ABCA4: variants seen among roughly 807,000 people sequenced by gnomAD.
ABCA4 encodes retinal-specific phospholipid-transporting ATPase ABCA4.
In ABCA4, 196 loss-of-function variants were observed where a neutral mutation model predicts 263.7. That is an observed-to-expected ratio of 0.74 (90% CI 0.66 to 0.84). The LOEUF is 0.84. Among genes scored for constraint, ABCA4 ranks in the 40% least tolerant of loss-of-function variants. The pLI is 0.00. For missense variants in ABCA4, 2,792 were observed against 2,855.1 expected, an observed-to-expected ratio of 0.98 and a Z score of 0.50; for synonymous variants, 1,133 against 1,094.2, an observed-to-expected ratio of 1.04 and a Z score of -0.70.
chr1:94,103,254 C>T, intron 4 of ABCA4, 112 bp from the exon 5 acceptor site: 2 of 1,413,048 alleles, frequency 1.4e-6, no homozygotes, highest in Non-Finnish European at 2.0e-6. Context: ...GAGGAAGGTT[C>T]TGTTCTTGGG....
At chr1:94,045,505 A>G (rs1660648160) in intron 19 of ABCA4, among the ~76,000 whole-genome samples, 1 of 152,180 alleles carries the variant, frequency 6.6e-6, no homozygotes, top group Non-Finnish European at 1.5e-5. Flanking sequence ...TCAGCAGCCG[A>G]TGAAGTAATG....
At chr1:94,048,412 A>G (rs936496588) in intron 18 of ABCA4, among the ~76,000 whole-genome samples, 1 of 152,230 alleles carries the variant, frequency 6.6e-6, no homozygotes, top group African/African-American at 2.4e-5. Context: ...GATGGTTTCA[A>G]TGAATGGCCT....
chr1:94,062,708 C>A lies in ABCA4; in HGVS notation c.1806G>T (p.Arg602=). 1 of 1,614,132 alleles carries A rather than the reference C, an allele frequency of 6.2e-7. No homozygotes were observed. Among genetic ancestry groups the A allele is most frequent in the Non-Finnish European group, 8.5e-7 (1 of 1,180,030 alleles). The change falls in exon 13 of 50, where the codon CGG becomes CGT. Residue 602 remains arginine (R), a synonymous_variant. Coordinates refer to ENST00000370225, the MANE Select transcript of ABCA4 (RefSeq NM_000350.3). ...GATAGGCAAACCCGCCCCAGATGTA[C>A]CGGAAATCTTCCACGGGATCAGCTC... ...GPRADPVEDF[R]YIWGGFAYLQ... is the part of the protein sequence containing the mutation.
At chr1:94,120,885 C>CAG in intron 1 of ABCA4, 95 bp downstream of exon 1, 13 of 597,166 alleles carry the variant, frequency 2.2e-5, no homozygotes, top group East Asian at 1.3e-4. Flanking sequence ...ACCCCCCACC[C>CAG]TGCCCCACCA....
rs186908930 is a variant in ABCA4 at position 93,998,015 on chromosome 1, T to G, written c.6575A>C (p.Asn2192Thr). The change falls in exon 48 of 50, where the codon AAC (asparagine) becomes ACC (threonine). Residue 2192 changes from asparagine to threonine, a missense_variant. Transcript: ENST00000370225. Reference protein sequence around the residue: ...LNPVEQFFQGNFPGSVQRERH... With the variant: ...LNPVEQFFQGTFPGSVQRERH... ...CTCCCTCTGCACACTGCCTGGGAAG[T>G]TCCCCTGGAAGAACTGCTCCACAGG... 1.2e-6 allele frequency: 2 copies of G among 1,614,178 alleles called. No homozygotes were observed. The highest frequency in any genetic ancestry group is 3.3e-5 in the Admixed American group (2 of 60,018).
chr1:94,007,545 C>A, intron 43 of ABCA4, 89 bp downstream of exon 43: 9 of 1,242,216 alleles, frequency 7.2e-6, no homozygotes, highest in South Asian at 1.2e-5. Context: ...CTCAGAGCCA[C>A]CCTACTATAG....
chr1:94,030,367 C>G, intron 29 of ABCA4, 61 bp downstream of exon 29: 1 of 1,496,674 alleles, frequency 6.7e-7, no homozygotes, highest in Non-Finnish European at 9.3e-7. Flanking sequence ...CATCTTGAAC[C>G]CACCGTTGGG....
At chr1:93,998,386 C>T (rs373537910) in intron 47 of ABCA4, among the ~76,000 whole-genome samples, 23 of 152,072 alleles carry the variant, frequency 1.5e-4, no homozygotes, top group Non-Finnish European at 2.2e-4. Flanking sequence ...GAGGCTGAGG[C>T]GGGAGGATCA....
chr1:94,086,758 T>C (rs12079685), intron 6 of ABCA4, among the ~76,000 whole-genome samples: 4,897 of 152,274 alleles, frequency 0.032, 302 homozygotes, highest in African/African-American at 0.11. Flanking sequence ...TTACCATAGT[T>C]TGCAGTTTAA....
chr1:94,050,466 C>T (rs1660804536), intron 17 of ABCA4, among the ~76,000 whole-genome samples: 1 of 152,148 alleles, frequency 6.6e-6, no homozygotes, highest in African/African-American at 2.4e-5. Flanking sequence ...TTTTAGAAAT[C>T]CATTTCAGTC....
rs1659910931 is a variant in ABCA4 at position 94,021,875 on chromosome 1, C to T, written c.4744G>A (p.Asp1582Asn). The T allele has an allele frequency of 3.1e-6, 5 of 1,614,058 alleles. No individual in the cohort carries two copies. Among genetic ancestry groups the T allele is most frequent in the East Asian group, 2.2e-5 (1 of 44,900 alleles). Reference protein sequence around the residue: ...TGEALVGFLSDLGRIMNVSGG... With the variant: ...TGEALVGFLSNLGRIMNVSGG... ...CTCACATTCATGATCCGGCCAAGGT[C>T]GCTTAAAAACCCAACAAGTGCTTCC... The change falls in exon 33 of 50, where the codon GAC (aspartate) becomes AAC (asparagine). Residue 1582 changes from aspartate to asparagine, a missense_variant. Coordinates refer to ENST00000370225, the MANE Select transcript of ABCA4 (RefSeq NM_000350.3).
chr1:94,093,400 GT>G (rs1662029276), intron 6 of ABCA4, among the ~76,000 whole-genome samples: 1 of 152,172 alleles, frequency 6.6e-6, no homozygotes, highest in Admixed American at 6.5e-5. Flanking sequence ...CATAAGAAAG[GT>G]TAAGAGCTAC....
intron 6 of ABCA4, among the ~76,000 whole-genome samples, chr1:94,094,541 G>A (rs1662070171): frequency 6.6e-6 from 1 of 152,208 alleles, no homozygotes; most frequent in Admixed American, 6.5e-5. Flanking sequence ...CCCAAATGCC[G>A]AGGAGGCTGA....
rs991547172 is a variant in ABCA4 at position 94,108,496 on chromosome 1, A to C, written c.442+81T>G. The C allele has an allele frequency of 7.5e-6, 12 of 1,600,074 alleles. No individual in the cohort carries two copies. The African/African-American group carries it at 1.1e-4, about 14-fold the overall frequency. ...GCCTCCGCTAGTATATTTTTCACCA[A>C]CTCTCCCTGTTCTTTCCTATATCTT... On this transcript the variant is annotated intron_variant, in intron 4 of 49. Transcript: ENST00000370225.
chr1:94,011,119 C>T (rs1659534084), intron 39 of ABCA4, 143 bp downstream of exon 39: 6 of 1,545,452 alleles, frequency 3.9e-6, no homozygotes, highest in South Asian at 1.1e-5. Context: ...CCCTAATCCT[C>T]TCCAGCTGGC....
intron 47 of ABCA4, among the ~76,000 whole-genome samples, chr1:93,999,408 G>A (rs1286301904): frequency 6.6e-6 from 1 of 152,230 alleles, no homozygotes; most frequent in Non-Finnish European, 1.5e-5. Context: ...ACGTGGACCA[G>A]TGCATACTGA....
chr1:94,040,029 C>T lies in ABCA4; in HGVS notation c.3607+14G>A, dbSNP rs750329533. 11 of 1,588,052 alleles carry T rather than the reference C, an allele frequency of 6.9e-6. No homozygotes were observed. Among genetic ancestry groups the T allele is most frequent in the East Asian group, 2.3e-5 (1 of 44,282 alleles). ...TGCCAGACGGAACCCAAGTATGGCCCGTCCAGTCCTTACCATCCAGGACTT... is the reference window on the plus strand; with the variant it reads ...TGCCAGACGGAACCCAAGTATGGCCTGTCCAGTCCTTACCATCCAGGACTT... On this transcript the variant is annotated intron_variant, in intron 24 of 49. Transcript: ENST00000370225.
intron 26 of ABCA4, among the ~76,000 whole-genome samples, chr1:94,034,999 T>C (rs1660303275): frequency 6.6e-6 from 1 of 152,196 alleles, no homozygotes; most frequent in African/African-American, 2.4e-5. Flanking sequence ...GCTATGTACT[T>C]ACCCAAAGCC....
chr1:94,063,301 T>G lies in ABCA4; in HGVS notation c.1571A>C (p.Lys524Thr). The G allele has an allele frequency of 6.2e-7, 1 of 1,614,104 alleles. No individual in the cohort carries two copies. Among genetic ancestry groups the G allele is most frequent in the Non-Finnish European group, 8.5e-7 (1 of 1,180,024 alleles). ...NQYLECLVLD[K>T]FESYNDETQL... ...AGTTTCATCATTGTAGCTTTCAAAC[T>G]TATCCAGGACCAAGCACTGCAGAGA... The change falls in exon 12 of 50, where the codon AAG (lysine) becomes ACG (threonine). Residue 524 changes from lysine to threonine, a missense_variant. By Grantham distance (78) the Lys-to-Thr change is moderately conservative. Coordinates refer to ENST00000370225, the MANE Select transcript of ABCA4 (RefSeq NM_000350.3).
Sources: gnomAD v4.1 joint callset for allele counts (sites outside exome capture counted in the v4.1 genomes callset) on GRCh38, gnomAD v4.1.1 for gene constraint, MANE v1.5 for transcripts, NCBI Gene and HGNC (gene_info 2026-07-23, HGNC 2026-07-21) for gene names.